Variants in SYN3 observed in about 807,000 individuals in gnomAD.
SYN3 encodes synapsin III.
In SYN3, 35 loss-of-function variants were observed where a neutral mutation model predicts 65.8. The ratio of observed to expected loss-of-function variants is 0.53; its 90% CI spans 0.41 to 0.70. The LOEUF is 0.70. SYN3 is among the 30% of genes least tolerant of loss of function. The probability of loss-of-function intolerance (pLI) is 0.00; values close to 1 mark genes in which losing one functional copy is unlikely to be tolerated. For synonymous variants in SYN3, 270 were observed against 292.9 expected (o/e 0.92, Z 0.80); for missense variants, 680 against 749.0 (o/e 0.91, Z 1.08).
At chr22:32,860,940 C>T (rs1488262965) in intron 6 of SYN3, 2 of 139,404 alleles carry the variant, frequency 1.4e-5, no homozygotes, top group East Asian at 4.3e-4. Context: ...TGAAATAAAA[C>T]TATAATATAA....
At chr22:32,602,212 A>G (rs1450059803) in intron 6 of SYN3, among the ~76,000 whole-genome samples, 2 of 152,038 alleles carry the variant, frequency 1.3e-5, no homozygotes, top group African/African-American at 4.8e-5. Context: ...ATTTTCTTCT[A>G]TCTTTCCCCA....
intron 1 of SYN3, among the ~76,000 whole-genome samples, chr22:33,048,459 G>T (rs1458959065): frequency 1.3e-5 from 2 of 152,138 alleles, no homozygotes; most frequent in African/African-American, 4.8e-5. Flanking sequence ...GGGGCCTGCT[G>T]GGAGGTGTTT....
intron 7 of SYN3, among the ~76,000 whole-genome samples, chr22:32,552,421 T>C (rs56950028): frequency 0.32 from 48,473 of 149,572 alleles, 7,894 homozygotes; most frequent in Middle Eastern, 0.43. Flanking sequence ...AAGGTTTTTC[T>C]TTTTTTTTTC....
chr22:32,794,432 C>G (rs572537162), intron 6 of SYN3, among the ~76,000 whole-genome samples: 1 of 152,232 alleles, frequency 6.6e-6, no homozygotes, highest in Middle Eastern at 3.4e-3. Context: ...ACTGAGGGAG[C>G]CTCATCTAGT....
intron 6 of SYN3, among the ~76,000 whole-genome samples, chr22:32,722,422 G>A (rs1302309308): frequency 6.6e-6 from 1 of 152,136 alleles, no homozygotes; most frequent in Non-Finnish European, 1.5e-5. Flanking sequence ...AGGCTGTGAA[G>A]GAAAAAAGGT....
intron 6 of SYN3, among the ~76,000 whole-genome samples, chr22:32,602,576 C>T (rs1395902942): frequency 6.6e-6 from 1 of 152,186 alleles, no homozygotes. Context: ...ATTCTCCTGC[C>T]TCAGCCTCCT....
intron 1 of SYN3, among the ~76,000 whole-genome samples, chr22:33,027,549 A>G (rs761934896): frequency 2.4e-4 from 37 of 152,086 alleles, no homozygotes; most frequent in African/African-American, 8.9e-4. Context: ...GTGAGCCGAG[A>G]TTACACCACT....
intron 3 of SYN3, among the ~76,000 whole-genome samples, chr22:32,946,992 C>T (rs1298254973): frequency 2.0e-5 from 3 of 152,122 alleles, no homozygotes; most frequent in African/African-American, 7.2e-5. Context: ...ACGTACTGGA[C>T]TATCTGAGCT....
At chr22:32,927,998 C>T (rs959029904) in intron 4 of SYN3, among the ~76,000 whole-genome samples, 17 of 152,256 alleles carry the variant, frequency 1.1e-4, no homozygotes, top group African/African-American at 4.1e-4. Flanking sequence ...GGCTGCATCC[C>T]AATAAACCCA....
At chr22:32,867,816 C>T (rs760519028) in intron 5 of SYN3, among the ~76,000 whole-genome samples, 12 of 152,110 alleles carry the variant, frequency 7.9e-5, no homozygotes, top group African/African-American at 1.4e-4. Context: ...CTCTTGATCT[C>T]GTGATACACC....
chr22:32,917,762 T>A (rs1052187641), intron 4 of SYN3, among the ~76,000 whole-genome samples: 1 of 152,184 alleles, frequency 6.6e-6, no homozygotes, highest in Non-Finnish European at 1.5e-5. Flanking sequence ...CCCAGGGGAG[T>A]TGGCAGATCT....
chr22:32,763,415 T>C (rs2045540471), intron 6 of SYN3, among the ~76,000 whole-genome samples: 1 of 151,708 alleles, frequency 6.6e-6, no homozygotes, highest in Admixed American at 6.6e-5. Flanking sequence ...CCTCCCAAAG[T>C]GCTGGGATTA....
chr22:32,851,907 A>G (rs898622059), intron 6 of SYN3, among the ~76,000 whole-genome samples: 9 of 152,174 alleles, frequency 5.9e-5, no homozygotes, highest in African/African-American at 1.9e-4. Context: ...GTCAGACAAG[A>G]TACAGGCTAG....
At chr22:32,531,004 C>T (rs761589051) in intron 10 of SYN3, among the ~76,000 whole-genome samples, 10 of 151,796 alleles carry the variant, frequency 6.6e-5, no homozygotes, top group Non-Finnish European at 1.5e-4. Context: ...TAGGATCCCT[C>T]AGGCTCCTCC....
intron 7 of SYN3, among the ~76,000 whole-genome samples, chr22:32,561,506 G>T (rs1047486893): frequency 6.6e-6 from 1 of 152,126 alleles, no homozygotes; most frequent in African/African-American, 2.4e-5. Flanking sequence ...GACTTGGGGG[G>T]TCCTGGCTGG....
At chr22:33,019,756 A>T (rs1393136428) in intron 1 of SYN3, among the ~76,000 whole-genome samples, 1 of 152,054 alleles carries the variant, frequency 6.6e-6, no homozygotes, top group Non-Finnish European at 1.5e-5. Context: ...AGTAGCTGGG[A>T]CTACAGGCAC....
intron 4 of SYN3, among the ~76,000 whole-genome samples, chr22:32,884,808 C>T (rs560527781): frequency 3.9e-5 from 6 of 152,134 alleles, no homozygotes; most frequent in African/African-American, 7.2e-5. Flanking sequence ...ACCAGGGAGT[C>T]GGAAGTTGCA....
intron 6 of SYN3, among the ~76,000 whole-genome samples, chr22:32,761,004 C>A (rs2045463409): frequency 6.6e-6 from 1 of 152,186 alleles, no homozygotes; most frequent in South Asian, 2.1e-4. Flanking sequence ...CAGTCTGTTC[C>A]CTCTAGCAGG....
chr22:32,564,417 C>T (rs2058630254), intron 7 of SYN3, among the ~76,000 whole-genome samples: 1 of 152,188 alleles, frequency 6.6e-6, no homozygotes, highest in Admixed American at 6.5e-5. Flanking sequence ...GTAACCATGG[C>T]CAGCCTTTAT....
Sources: gnomAD v4.1 joint callset for allele counts (sites outside exome capture counted in the v4.1 genomes callset) on GRCh38, gnomAD v4.1.1 for gene constraint, MANE v1.5 for transcripts, NCBI Gene and HGNC (gene_info 2026-07-23, HGNC 2026-07-21) for gene names.